TRPM7: variants seen among roughly 807,000 people sequenced by gnomAD.
TRPM7 encodes transient receptor potential cation channel subfamily M member 7.
TRPM7 carries 134 observed loss-of-function variants against 229.7 expected under a neutral mutation model. That is an observed-to-expected ratio of 0.58 (90% confidence interval 0.51 to 0.67). The LOEUF (loss-of-function observed/expected upper bound fraction) is 0.67. Ranked by LOEUF, TRPM7 falls within the 30% of genes least tolerant of loss-of-function variation. The probability of loss-of-function intolerance (pLI) is 0.00; values close to 1 mark genes in which losing one functional copy is unlikely to be tolerated. For missense variants in TRPM7, 1,901 were observed against 2,210.0 expected, an observed-to-expected ratio of 0.86 and a Z score of 2.80; for synonymous variants, 699 against 715.2, an observed-to-expected ratio of 0.98 and a Z score of 0.36.
In TRPM7 at chr15:50,575,710, A is replaced by C; in HGVS notation, c.4735+14T>G. 6.2e-7 allele frequency: 1 copy of C among 1,603,760 alleles called. No homozygotes were observed. Among genetic ancestry groups the C allele is most frequent in the Non-Finnish European group, 8.5e-7 (1 of 1,175,826 alleles). On this transcript the variant is annotated intron_variant, in intron 33 of 38. Transcript: ENST00000646667. Reference sequence around the variant, plus strand: ...TAATTTTCACTTATTTATTTCTTTAATTTTTGGATTTACCTCTTGGAGGCA... The same window carrying C: ...TAATTTTCACTTATTTATTTCTTTACTTTTTGGATTTACCTCTTGGAGGCA...
chr15:50,637,675 G>T (rs551236278), intron 6 of TRPM7, 82 bp from the exon 7 acceptor site: 9 of 1,215,764 alleles, frequency 7.4e-6, no homozygotes, highest in African/African-American at 3.1e-5. Context: ...AATCCGTAAA[G>T]ACAAGTAAGA....
chr15:50,650,138 A>G (rs1483154046), intron 3 of TRPM7, among the ~76,000 whole-genome samples: 3 of 141,646 alleles, frequency 2.1e-5, no homozygotes, highest in Non-Finnish European at 3.0e-5. Context: ...GACCACAGTG[A>G]GCAGAGATTG....
chr15:50,646,862 C>A (rs1023042764), intron 4 of TRPM7, among the ~76,000 whole-genome samples: 4 of 152,174 alleles, frequency 2.6e-5, no homozygotes, highest in Non-Finnish European at 5.9e-5. Context: ...TATTTAGACA[C>A]ATATTTCCCA....
chr15:50,669,387 G>A (rs1193868247), intron 1 of TRPM7, among the ~76,000 whole-genome samples: 1 of 151,950 alleles, frequency 6.6e-6, no homozygotes, highest in East Asian at 1.9e-4. Context: ...GTGAGCCGAG[G>A]TCATGCCAGT....
At chr15:50,618,652 C>G (rs1364650152) in intron 13 of TRPM7, among the ~76,000 whole-genome samples, 1 of 151,860 alleles carries the variant, frequency 6.6e-6, no homozygotes, top group Non-Finnish European at 1.5e-5. Context: ...TTAGGGGGTA[C>G]AAGTATAGAT....
chr15:50,574,791 T>G, intron 34 of TRPM7, 61 bp downstream of exon 34: 1 of 1,588,538 alleles, frequency 6.3e-7, no homozygotes, highest in South Asian at 1.1e-5. Context: ...TATTGATATT[T>G]CAGAAGTTAA....
chr15:50,570,770 G>C (rs895239533), intron 36 of TRPM7, among the ~76,000 whole-genome samples: 2 of 150,536 alleles, frequency 1.3e-5, no homozygotes, highest in Admixed American at 1.3e-4. Flanking sequence ...CGGGAGAATC[G>C]CTTGAACCTG....
chr15:50,684,909 A>C (rs78648975), intron 1 of TRPM7, among the ~76,000 whole-genome samples: 2,064 of 152,326 alleles, frequency 0.014, 41 homozygotes, highest in African/African-American at 0.048. Flanking sequence ...ACAATCAGGG[A>C]AATATGCTGA....
At chr15:50,641,654 T>C (rs992458766) in intron 5 of TRPM7, among the ~76,000 whole-genome samples, 1 of 152,190 alleles carries the variant, frequency 6.6e-6, no homozygotes, top group African/African-American at 2.4e-5. Context: ...TTTTACTGTT[T>C]ATGGAATAAA....
intron 19 of TRPM7, among the ~76,000 whole-genome samples, chr15:50,607,718 C>A (rs1015955261): frequency 1.3e-4 from 20 of 152,024 alleles, no homozygotes; most frequent in Non-Finnish European, 2.6e-4. Flanking sequence ...ATGTTTCCTG[C>A]CTCCTTCCTC....
At position 50,604,892 on chromosome 15, in the gene TRPM7, G is replaced by C. The variant is rs757990870; in HGVS notation, c.2962C>G (p.Pro988Ala). 2.5e-6 allele frequency: 4 copies of C among 1,608,044 alleles called. No individual in the cohort carries two copies. The highest frequency in any genetic ancestry group is 2.5e-6 in the Non-Finnish European group (3 of 1,176,596). The change falls in exon 21 of 39, where the codon CCT becomes GCT. Residue 988 changes from proline (P) to alanine (A), a missense_variant. Pro to Ala is a conservative substitution (Grantham distance 27, BLOSUM62 -1). Coordinates refer to ENST00000646667, the MANE Select transcript of TRPM7 (RefSeq NM_017672.6). ...DFLAVNQQAG[P>A]YVMMIGKMVA... ...ATTTTTCCAATCATCATTACATAAGGTCCTGCCTGTTGATTTACAGCTAGA... is the reference window on the plus strand; with the variant it reads ...ATTTTTCCAATCATCATTACATAAGCTCCTGCCTGTTGATTTACAGCTAGA...
intron 1 of TRPM7, among the ~76,000 whole-genome samples, chr15:50,684,912 T>C (rs1007401315): frequency 2.2e-4 from 34 of 152,152 alleles, no homozygotes; most frequent in Non-Finnish European, 1.9e-4. Flanking sequence ...ATCAGGGAAA[T>C]ATGCTGAATA....
chr15:50,669,967 T>G (rs1024461279), intron 1 of TRPM7, among the ~76,000 whole-genome samples: 1 of 152,196 alleles, frequency 6.6e-6, no homozygotes, highest in African/African-American at 2.4e-5. Context: ...TACATTGCTG[T>G]TGTACTCTTT....
In TRPM7 at chr15:50,580,771, C is replaced by T. The variant is rs117029818; in HGVS notation, c.4592+103G>A. ...GAGATGCTAGAATAAATAATCATCA[C>T]TCATAAAGAAATGTTAAAGAGATGA... On this transcript the variant is annotated intron_variant, in intron 30 of 38. Coordinates refer to ENST00000646667, the MANE Select transcript of TRPM7 (RefSeq NM_017672.6). 1.1e-3 allele frequency: 1,151 copies of T among 1,046,896 alleles called. 26 individuals carry two copies. In the East Asian group the frequency reaches 0.028, roughly 26 times the overall value. 64.9% of individuals were successfully genotyped at this position (1,046,896 alleles called of 1,614,324 possible). A position where few individuals can be genotyped will look rare whatever the true frequency, so the allele number is the denominator to read the frequency against.
At chr15:50,616,053 ATGAT>A (rs1326102901) in intron 13 of TRPM7, among the ~76,000 whole-genome samples, 1 of 152,202 alleles carries the variant, frequency 6.6e-6, no homozygotes, top group Admixed American at 6.5e-5. Flanking sequence ...AATATGCAGA[ATGAT>A]TGAGAATGTC....
chr15:50,620,934 CA>C (rs11300020), intron 12 of TRPM7, among the ~76,000 whole-genome samples: 69,128 of 150,924 alleles, frequency 0.46, 16,694 homozygotes, highest in East Asian at 0.56. Flanking sequence ...CTCCATCCCC[CA>C]AAAAAGTAAA....
intron 3 of TRPM7, among the ~76,000 whole-genome samples, chr15:50,655,558 G>A (rs184443429): frequency 4.0e-5 from 6 of 151,892 alleles, no homozygotes; most frequent in African/African-American, 1.4e-4. Context: ...TAGACATGCT[G>A]CTGAAAACCA....
In TRPM7 at chr15:50,580,900, T is replaced by C. The variant is rs778343517; in HGVS notation, c.4566A>G (p.Leu1522=). ...TTTCTCTGTTTGATGGTCTATCTTG[T>C]AACCAATCCTTCAGTAAAAAAAAAA... ...DSKAALIPDW[L]QDRPSNREMP... is the part of the protein sequence containing the mutation. The change falls in exon 30 of 39, where the codon TTA becomes TTG. Residue 1522 remains leucine, a synonymous_variant. Transcript: ENST00000646667. The C allele has an allele frequency of 3.8e-6, 6 of 1,583,312 alleles. No individual in the cohort carries two copies. The African/African-American group carries it at 4.2e-5, about 11-fold the overall frequency.
At chr15:50,561,978 TC>T (rs2053336498) in intron 38 of TRPM7, among the ~76,000 whole-genome samples, 170 bp from the exon 39 acceptor site, 1 of 152,148 alleles carries the variant, frequency 6.6e-6, no homozygotes, top group African/African-American at 2.4e-5. Context: ...CACTGCAACC[TC>T]CACCTCCCGG....
Sources: gnomAD v4.1 joint callset for allele counts (sites outside exome capture counted in the v4.1 genomes callset) on GRCh38, gnomAD v4.1.1 for gene constraint, MANE v1.5 for transcripts, NCBI Gene and HGNC (gene_info 2026-07-23, HGNC 2026-07-21) for gene names.